GNA14: variants seen among roughly 807,000 people sequenced by gnomAD.
GNA14 encodes guanine nucleotide-binding protein subunit alpha-14.
In GNA14, 50 loss-of-function variants were observed where a neutral mutation model predicts 42.0. That is an observed-to-expected ratio of 1.19 (90% CI 0.95 to 1.51). The LOEUF (loss-of-function observed/expected upper bound fraction) is 1.51. Ranked by LOEUF, GNA14 falls within the 40% of genes most tolerant of loss-of-function variation. GNA14 has a pLI of 0.00. For synonymous variants in GNA14, 173 were observed against 163.1 expected, an observed-to-expected ratio of 1.06 and a Z score of -0.46; for missense variants, 473 against 446.2, an observed-to-expected ratio of 1.06 and a Z score of -0.54.
At chr9:77,606,202 T>C (rs1216121170) in intron 1 of GNA14, among the ~76,000 whole-genome samples, 2 of 152,180 alleles carry the variant, frequency 1.3e-5, no homozygotes, top group South Asian at 2.1e-4. Context: ...TTAAAAGTTA[T>C]TGTTTTCCAA....
At chr9:77,619,915 C>T (rs1410666973) in intron 1 of GNA14, among the ~76,000 whole-genome samples, 1 of 152,056 alleles carries the variant, frequency 6.6e-6, no homozygotes, top group Non-Finnish European at 1.5e-5. Flanking sequence ...CCCTGACAAA[C>T]CTGTTTTGAT....
rs1223161690 is a variant in GNA14, at chr9:77,570,760, AC to A, written c.125-41508del. Among the ~76,000 whole-genome samples, 8 of 152,264 alleles carry A rather than the reference AC, an allele frequency of 5.3e-5. No individual in the cohort carries two copies. In the East Asian group the frequency reaches 1.5e-3, roughly 29 times the overall value. ...TTCTTTAGGTGTATACCTAGGAGTAACCTTGCTGGGTCGTATGGTAGCTCCA... is the reference window on the plus strand; with the variant it reads ...TTCTTTAGGTGTATACCTAGGAGTAACTTGCTGGGTCGTATGGTAGCTCCA... On this transcript the variant is annotated intron_variant, in intron 1 of 6. Coordinates refer to ENST00000341700, the MANE Select transcript of GNA14 (RefSeq NM_004297.4).
intron 1 of GNA14, among the ~76,000 whole-genome samples, chr9:77,637,921 C>G (rs1824208374): frequency 1.3e-5 from 2 of 152,124 alleles, no homozygotes; most frequent in Non-Finnish European, 2.9e-5. Context: ...TATTGCTACT[C>G]TCTGGTTTTA....
intron 1 of GNA14, among the ~76,000 whole-genome samples, chr9:77,643,499 A>AC (rs2118040529): frequency 6.6e-6 from 1 of 152,200 alleles, no homozygotes; most frequent in African/African-American, 2.4e-5. Context: ...TCAGCCTCCC[A>AC]AAGTGCTGCG....
intron 2 of GNA14, among the ~76,000 whole-genome samples, chr9:77,498,371 C>A (rs1247345981): frequency 8.8e-5 from 3 of 33,936 alleles, no homozygotes; most frequent in South Asian, 1.3e-3. Context: ...AAAAGTCTGT[C>A]TCAAAAAAAA....
chr9:77,559,412 C>T (rs999448130), intron 1 of GNA14, among the ~76,000 whole-genome samples: 8 of 152,080 alleles, frequency 5.3e-5, no homozygotes, highest in Non-Finnish European at 7.4e-5. Flanking sequence ...AGACAAAGGA[C>T]GGGGCATCCC....
At chr9:77,549,426 T>C (rs1837763627) in intron 1 of GNA14, among the ~76,000 whole-genome samples, 1 of 152,162 alleles carries the variant, frequency 6.6e-6, no homozygotes, top group African/African-American at 2.4e-5. Flanking sequence ...CCAGCCCTCC[T>C]TTTCAAGCTA....
At chr9:77,452,453 A>C (rs1181275120) in intron 2 of GNA14, among the ~76,000 whole-genome samples, 1 of 152,080 alleles carries the variant, frequency 6.6e-6, no homozygotes, top group African/African-American at 2.4e-5. Context: ...AAAACGTGGT[A>C]CATATCCTTA....
intron 1 of GNA14, among the ~76,000 whole-genome samples, chr9:77,647,024 A>G (rs912305612): frequency 1.3e-5 from 2 of 152,060 alleles, no homozygotes; most frequent in Non-Finnish European, 2.9e-5. Flanking sequence ...GGCCTGAGGG[A>G]CCCCCATGGG....
chr9:77,491,678 A>G lies in GNA14; in HGVS notation c.309+37391T>C, dbSNP rs988274243. On this transcript the variant is annotated intron_variant, in intron 2 of 6. Transcript: ENST00000341700. Reference sequence around the variant, plus strand: ...AAGCATTTAAAGCAAACATTAATCAATCTAAAGGGAGAGACAGATTGCAAT... The same window carrying G: ...AAGCATTTAAAGCAAACATTAATCAGTCTAAAGGGAGAGACAGATTGCAAT... Among the ~76,000 whole-genome samples the G allele has an allele frequency of 2.0e-5, 3 of 152,228 alleles. No individual in the cohort carries two copies. In the East Asian group the frequency reaches 5.8e-4, roughly 29 times the overall value.
chr9:77,439,610 C>A (rs1291452714), intron 2 of GNA14, among the ~76,000 whole-genome samples: 2 of 152,160 alleles, frequency 1.3e-5, no homozygotes, highest in Non-Finnish European at 2.9e-5. Context: ...GCACTTCGGC[C>A]TGAGTGAAAG....
At chr9:77,564,676 T>C (rs1822938554) in intron 1 of GNA14, among the ~76,000 whole-genome samples, 1 of 151,686 alleles carries the variant, frequency 6.6e-6, no homozygotes, top group Non-Finnish European at 1.5e-5. Flanking sequence ...CTACTAAAAA[T>C]ACAAATATTA....
chr9:77,599,111 T>C (rs1302581398), intron 1 of GNA14, among the ~76,000 whole-genome samples: 6 of 152,150 alleles, frequency 3.9e-5, no homozygotes, highest in African/African-American at 1.4e-4. Flanking sequence ...CTTACTCACT[T>C]GGAAGGGTCA....
intron 1 of GNA14, among the ~76,000 whole-genome samples, chr9:77,609,711 G>A (rs937868069): frequency 4.6e-5 from 7 of 152,220 alleles, no homozygotes; most frequent in South Asian, 4.1e-4. Context: ...CAGCCATCAC[G>A]CCTTATTGCT....
intron 1 of GNA14, among the ~76,000 whole-genome samples, chr9:77,574,622 T>C (rs1200263168): frequency 1.3e-5 from 2 of 152,248 alleles, no homozygotes; most frequent in African/African-American, 2.4e-5. Flanking sequence ...CAACTGACAC[T>C]GTCAGGAATA....
intron 2 of GNA14, among the ~76,000 whole-genome samples, chr9:77,482,451 T>C (rs1836572736): frequency 5.3e-5 from 8 of 152,222 alleles, no homozygotes; most frequent in Admixed American, 4.6e-4. Flanking sequence ...CTTCCCTTTG[T>C]GGGTAACCCG....
At chr9:77,636,822 T>A (rs779242396) in intron 1 of GNA14, among the ~76,000 whole-genome samples, 1 of 152,160 alleles carries the variant, frequency 6.6e-6, no homozygotes, top group Non-Finnish European at 1.5e-5. Flanking sequence ...ATTTTCAACA[T>A]GAGATTTGAA....
intron 2 of GNA14, among the ~76,000 whole-genome samples, chr9:77,493,998 G>A (rs909509489): frequency 6.6e-6 from 1 of 152,192 alleles, no homozygotes; most frequent in South Asian, 2.1e-4. Flanking sequence ...TTGGCTCACA[G>A]CAACCTCCGC....
intron 6 of GNA14, 95 bp downstream of exon 6, chr9:77,425,467 A>T: frequency 1.2e-6 from 1 of 833,360 alleles, no homozygotes; most frequent in African/African-American, 1.7e-5. Context: ...CAGGCAGACC[A>T]GGGAGGCCCC....
Sources: gnomAD v4.1 joint callset for allele counts (sites outside exome capture counted in the v4.1 genomes callset) on GRCh38, gnomAD v4.1.1 for gene constraint, MANE v1.5 for transcripts, NCBI Gene and HGNC (gene_info 2026-07-23, HGNC 2026-07-21) for gene names.